MED1: variants seen among roughly 807,000 people sequenced by gnomAD.
MED1 encodes the protein mediator complex subunit 1.
In MED1, 17 loss-of-function variants were observed where a neutral mutation model predicts 121.3. The ratio of observed to expected loss-of-function variants is 0.14; its 90% CI spans 0.10 to 0.21. The LOEUF (loss-of-function observed/expected upper bound fraction) is 0.21. Among genes scored for constraint, MED1 ranks in the 10% least tolerant of loss-of-function variants. MED1 has a pLI of 1.00. For synonymous variants in MED1, 661 were observed against 694.4 expected, an observed-to-expected ratio of 0.95 and a Z score of 0.76; for missense variants, 1,558 against 1,919.4, an observed-to-expected ratio of 0.81 and a Z score of 3.52.
chr17:39,442,346 C>T (rs2048684018), intron 3 of MED1, among the ~76,000 whole-genome samples: 1 of 151,976 alleles, frequency 6.6e-6, no homozygotes, highest in African/African-American at 2.4e-5. Flanking sequence ...GCCTGTAATC[C>T]CAGCAATTTG....
At chr17:39,424,783 T>C (rs1214598322) in intron 10 of MED1, 45 bp from the exon 11 acceptor site, 5 of 1,127,834 alleles carry the variant, frequency 4.4e-6, no homozygotes, top group Non-Finnish European at 5.3e-6. Context: ...GTAATACAAA[T>C]GATGGGAATC....
chr17:39,434,971 C>G (rs1025571564), intron 6 of MED1, among the ~76,000 whole-genome samples: 7 of 152,040 alleles, frequency 4.6e-5, no homozygotes, highest in Admixed American at 2.0e-4. Context: ...CGAGACCATC[C>G]TGGCTAGCAT....
intron 6 of MED1, among the ~76,000 whole-genome samples, chr17:39,435,427 A>G (rs1324206336): frequency 6.6e-6 from 1 of 151,982 alleles, no homozygotes; most frequent in African/African-American, 2.4e-5. Flanking sequence ...GCTTTTGTGG[A>G]TAGGTTTAGG....
At chr17:39,418,605 C>G (rs2048432946) in intron 14 of MED1, among the ~76,000 whole-genome samples, 1 of 151,900 alleles carries the variant, frequency 6.6e-6, no homozygotes, top group Admixed American at 6.6e-5. Flanking sequence ...GGGTACAGCC[C>G]CTAAAATACC....
intron 16 of MED1, among the ~76,000 whole-genome samples, chr17:39,411,436 C>T (rs748884403): frequency 2.0e-5 from 3 of 151,306 alleles, no homozygotes; most frequent in Non-Finnish European, 4.4e-5. Flanking sequence ...GCCTGGCCAG[C>T]GGGGTGAAAC....
intron 9 of MED1, among the ~76,000 whole-genome samples, chr17:39,429,851 C>A (rs1318194051): frequency 2.6e-5 from 4 of 151,942 alleles, no homozygotes; most frequent in African/African-American, 9.7e-5. Flanking sequence ...CTTTGCAATG[C>A]AGTGGCAGGA....
At chr17:39,442,196 G>T (rs2048682039) in intron 3 of MED1, among the ~76,000 whole-genome samples, 1 of 151,536 alleles carries the variant, frequency 6.6e-6, no homozygotes, top group African/African-American at 2.4e-5. Context: ...CCCAAAAATA[G>T]AATTAGTCAT....
chr17:39,448,721 C>G (rs566050053), intron 1 of MED1, among the ~76,000 whole-genome samples: 1 of 152,090 alleles, frequency 6.6e-6, no homozygotes, highest in Non-Finnish European at 1.5e-5. Context: ...ACCAGCCTGA[C>G]CAACACGGAG....
chr17:39,421,075 C>T (rs148458062), intron 13 of MED1, among the ~76,000 whole-genome samples: 4,875 of 151,086 alleles, frequency 0.032, 275 homozygotes, highest in African/African-American at 0.11. Flanking sequence ...GGATTACAGG[C>T]GTGAGCCACC....
rs1222433962 is a variant in MED1, at chr17:39,451,039, C to T, written c.24G>A (p.Glu8=). The stretch of plus-strand genomic sequence containing the variant: ...CTCCTTTCCCCTACAGTCACTTACC[C>T]TCGGTTTCCCCCTGAGCTTTCATCC... MKAQGET[E]ESEKLSKMSS... Residue 8 remains glutamate, a splice_region_variant and synonymous_variant, in exon 1 of 17, where the codon GAG becomes GAA. Coordinates refer to ENST00000300651, the MANE Select transcript of MED1 (RefSeq NM_004774.4). 21 of 1,611,728 alleles carry T rather than the reference C, an allele frequency of 1.3e-5. No individual in the cohort carries two copies. The highest frequency in any genetic ancestry group is 1.6e-4 in the Middle Eastern group (1 of 6,082).
intron 2 of MED1, among the ~76,000 whole-genome samples, chr17:39,446,074 A>G (rs943601546): frequency 6.6e-6 from 1 of 151,186 alleles, no homozygotes; most frequent in Admixed American, 6.6e-5. Context: ...GGTGGCTCAC[A>G]CTGTAATCCT....
In MED1 at chr17:39,409,359, C is replaced by T; in HGVS notation, c.2862G>A (p.Gln954=). ...ADLMEHHSGS[Q]GPLLTTGDLG... The stretch of plus-strand genomic sequence containing the variant: ...AGTCCCCAGTGGTCAGTAAAGGACC[C>T]TGACTACCACTGTGATGCTCCATAA... Residue 954 remains glutamine (Q), a synonymous_variant, in exon 17 of 17, where the codon CAG becomes CAA. Coordinates refer to ENST00000300651, the MANE Select transcript of MED1 (RefSeq NM_004774.4). 5.0e-6 allele frequency: 8 copies of T among 1,614,040 alleles called. No homozygotes were observed. The highest frequency in any genetic ancestry group is 5.9e-6 in the Non-Finnish European group (7 of 1,179,990).
Position 39,410,014 on chromosome 17 carries a change from G to C in MED1, c.2207C>G (p.Pro736Arg). The C allele has an allele frequency of 6.2e-7, 1 of 1,614,110 alleles. No individual in the cohort carries two copies. The highest frequency in any genetic ancestry group is 8.5e-7 in the Non-Finnish European group (1 of 1,180,024). Residue 736 changes from proline (P) to arginine (R), a missense_variant, in exon 17 of 17, where the codon CCA (proline) becomes CGA (arginine). Coordinates refer to ENST00000300651, the MANE Select transcript of MED1 (RefSeq NM_004774.4). ...VNMTADTLDT[P>R]HITPAPSQCS... The stretch of plus-strand genomic sequence containing the variant: ...CTGGCTTGGAGCTGGAGTGATGTGT[G>C]GCGTATCCAGCGTGTCAGCTGTCAT...
intron 7 of MED1, among the ~76,000 whole-genome samples, chr17:39,432,438 C>A (rs927251181): frequency 6.6e-6 from 1 of 150,456 alleles, no homozygotes; most frequent in African/African-American, 2.4e-5. Context: ...AAATTGAAGG[C>A]AAAAATATAT....
At chr17:39,432,113 C>T (rs1457894517) in intron 7 of MED1, 97 bp from the exon 8 acceptor site, 11 of 799,414 alleles carry the variant, frequency 1.4e-5, no homozygotes, top group Middle Eastern at 3.8e-4. Context: ...GAGGCTGAGG[C>T]GGGCAGATCA....
chr17:39,421,984 C>T (rs1197928808), intron 13 of MED1, among the ~76,000 whole-genome samples: 2 of 150,670 alleles, frequency 1.3e-5, no homozygotes, highest in African/African-American at 2.4e-5. Flanking sequence ...AAAAATTAGC[C>T]AGGCATGGTG....
rs758232519 is a variant in MED1 at position 39,408,259 on chromosome 17, C to T, written c.3962G>A (p.Gly1321Asp). The T allele has an allele frequency of 3.3e-5, 53 of 1,614,120 alleles. No homozygotes were observed. The highest frequency in any genetic ancestry group is 4.2e-5 in the Non-Finnish European group (50 of 1,180,038). ...KHGVVTSGPGGEDPLDGQMGV... is the reference protein window; with the variant it reads ...KHGVVTSGPGDEDPLDGQMGV... ...CATCTGGCCGTCCAGTGGGTCTTCACCCCCAGGGCCACTGGTGACAACCCC... is the reference window on the plus strand; with the variant it reads ...CATCTGGCCGTCCAGTGGGTCTTCATCCCCAGGGCCACTGGTGACAACCCC... Residue 1321 changes from glycine (G) to aspartate (D), a missense_variant, in exon 17 of 17, where the codon GGT becomes GAT. Transcript: ENST00000300651. The surrounding 1 kb of genome is among the most constrained non-coding windows in gnomAD (Gnocchi z 4.7).
In MED1 at chr17:39,407,680, C is replaced by G; in HGVS notation, c.4541G>C (p.Arg1514Pro). 1 of 1,614,006 alleles carries G rather than the reference C, an allele frequency of 6.2e-7. No homozygotes were observed. Among genetic ancestry groups the G allele is most frequent in the Non-Finnish European group, 8.5e-7 (1 of 1,179,932 alleles). ...CTTGTCTCGGTCTTTGTCCCGGTCTCGGTCCCTATCTTTGTCTTTTACTTT... is the reference window on the plus strand; with the variant it reads ...CTTGTCTCGGTCTTTGTCCCGGTCTGGGTCCCTATCTTTGTCTTTTACTTT... ...KKKVKDKDRD[R>P]DRDKDRDKKK... Residue 1514 changes from arginine to proline, a missense_variant, in exon 17 of 17, where the codon CGA (arginine) becomes CCA (proline). Physicochemically the swap from Arg to Pro is moderately radical, Grantham distance 103 (BLOSUM62 -2). This residue lies in a region of MED1 where 264 missense variants were observed against 326.1 expected (regional missense o/e 0.81). Transcript: ENST00000300651.
At position 39,405,915 on chromosome 17, in the gene MED1, T is replaced by C. The variant is rs1054867937; in HGVS notation, c.*1560A>G. 3.0e-6 allele frequency: 3 copies of C among 985,384 alleles called. No individual in the cohort carries two copies. Among genetic ancestry groups the C allele is most frequent in the Admixed American group, 6.1e-5 (1 of 16,280 alleles). The allele number at this position is 985,384 out of a possible 1,614,324, so 61.0% of individuals were successfully genotyped here. On this transcript the variant is annotated 3_prime_UTR_variant, in exon 17 of 17. Coordinates refer to ENST00000300651, the MANE Select transcript of MED1 (RefSeq NM_004774.4). ...ACACACAAAGGAATCACCTGGCTTTTTTTTTTTAACCCAGAAGAGTTGTGC... is the reference window on the plus strand; with the variant it reads ...ACACACAAAGGAATCACCTGGCTTTCTTTTTTTAACCCAGAAGAGTTGTGC...
Sources: allele counts gnomAD v4.1 joint callset (sites outside exome capture counted in the v4.1 genomes callset), GRCh38; gene constraint gnomAD v4.1.1; regional missense constraint gnomAD v4.1.1; non-coding constraint Gnocchi (gnomAD v3.1); transcripts MANE v1.5; gene names NCBI Gene and HGNC (gene_info 2026-07-23, HGNC 2026-07-21).